The following AHI1 variants were observed in gnomAD, a reference collection of about 807,000 sequenced individuals.
AHI1 encodes the protein jouberin.
AHI1 carries 123 observed loss-of-function variants against 149.3 expected under a neutral mutation model. That is an observed-to-expected ratio of 0.82 (90% CI 0.71 to 0.96). The LOEUF (loss-of-function observed/expected upper bound fraction) is 0.96, where lower values mean the gene tolerates loss of function less well. Among genes scored for constraint, AHI1 ranks in the 40% least tolerant of loss-of-function variants. The pLI is 0.00. For synonymous variants in AHI1, 475 were observed against 459.8 expected, an observed-to-expected ratio of 1.03 and a Z score of -0.42; for missense variants, 1,439 against 1,422.7, an observed-to-expected ratio of 1.01 and a Z score of -0.18.
intron 23 of AHI1, among the ~76,000 whole-genome samples, chr6:135,389,864 C>T (rs1053157531): frequency 6.6e-6 from 1 of 152,166 alleles, no homozygotes. Flanking sequence ...CCTACCTACC[C>T]ATAACAGTGA....
At chr6:135,285,789 AAAG>A in intron 28 of AHI1, 142 bp from the exon 29 acceptor site, 1 of 671,844 alleles carries the variant, frequency 1.5e-6, no homozygotes, top group Admixed American at 2.8e-5. Flanking sequence ...CACAACTAAA[AAAG>A]ACCAAAATAC....
chr6:135,389,978 T>C (rs1373056653), intron 23 of AHI1, among the ~76,000 whole-genome samples: 1 of 151,526 alleles, frequency 6.6e-6, no homozygotes, highest in Non-Finnish European at 1.5e-5. Context: ...CATAAATTCA[T>C]AAATTTTCTT....
chr6:135,477,023 T>G (rs1472532868), intron 5 of AHI1, among the ~76,000 whole-genome samples: 1 of 152,060 alleles, frequency 6.6e-6, no homozygotes, highest in African/African-American at 2.4e-5. Flanking sequence ...ATTTGTTTTT[T>G]GTCTCTTTGT....
At chr6:135,305,866 T>C (rs868648225) in intron 26 of AHI1, among the ~76,000 whole-genome samples, 1 of 152,248 alleles carries the variant, frequency 6.6e-6, no homozygotes, top group Non-Finnish European at 1.5e-5. Flanking sequence ...GCAGCCATGA[T>C]GAAACATTTC....
rs1784060164 is a variant in AHI1 at position 135,302,874 on chromosome 6, C to A, written c.3427-2316G>T. On this transcript the variant is annotated intron_variant, in intron 26 of 28. Coordinates refer to ENST00000265602, the MANE Select transcript of AHI1 (RefSeq NM_001134831.2). Reference sequence around the variant, plus strand: ...TCAATCAGCCCGCAAATAACCCCCACCATCGACAACGCCAAAGAACATGAC... The same window carrying A: ...TCAATCAGCCCGCAAATAACCCCCAACATCGACAACGCCAAAGAACATGAC... 7.5e-6 allele frequency: 9 copies of A among 1,201,880 alleles called. No homozygotes were observed. The South Asian group carries it at 1.0e-4, about 14-fold the overall frequency. 74.5% of individuals were successfully genotyped at this position (1,201,880 alleles called of 1,614,324 possible).
intron 26 of AHI1, chr6:135,302,138 T>C: frequency 2.0e-6 from 2 of 985,004 alleles, no homozygotes; most frequent in Non-Finnish European, 2.4e-6. Context: ...ATTACAGGTG[T>C]GCGCCTCCAT....
intron 23 of AHI1, 125 bp from the exon 24 acceptor site, chr6:135,358,312 C>T (rs1793310209): frequency 9.7e-6 from 8 of 821,528 alleles, no homozygotes; most frequent in Middle Eastern, 2.5e-4. Flanking sequence ...AAAAAAGTCT[C>T]ACTTGGAAGG....
chr6:135,414,157 C>T (rs1338500282), intron 20 of AHI1, among the ~76,000 whole-genome samples: 1 of 151,956 alleles, frequency 6.6e-6, no homozygotes. Context: ...TATAGAGTGC[C>T]CAGGGTGTAT....
At chr6:135,351,593 G>A (rs1312293118) in intron 24 of AHI1, among the ~76,000 whole-genome samples, 1 of 152,192 alleles carries the variant, frequency 6.6e-6, no homozygotes, top group Admixed American at 6.5e-5. Context: ...GAAACCGTAG[G>A]CATATTTAGG....
chr6:135,403,307 C>T (rs73560002), intron 22 of AHI1, among the ~76,000 whole-genome samples: 217 of 151,984 alleles, frequency 1.4e-3, no homozygotes, highest in African/African-American at 4.7e-3. Flanking sequence ...GTGGGCATTA[C>T]GGTATATAAA....
intron 8 of AHI1, 58 bp downstream of exon 8, chr6:135,463,067 T>G: frequency 7.0e-7 from 1 of 1,421,044 alleles, no homozygotes; most frequent in East Asian, 2.3e-5. Flanking sequence ...CTAAAATTCC[T>G]AGAATCAAGT....
At chr6:135,419,772 T>C (rs1204854058) in intron 20 of AHI1, among the ~76,000 whole-genome samples, 1 of 152,082 alleles carries the variant, frequency 6.6e-6, no homozygotes, top group Admixed American at 6.6e-5. Context: ...TACACAACAA[T>C]GAAATTTGCT....
At position 135,425,343 on chromosome 6, in the gene AHI1, C is replaced by G. The variant is rs561080045; in HGVS notation, c.2764+1824G>C. 1.2e-3 allele frequency among the ~76,000 whole-genome samples: 188 copies of G among 151,644 alleles called. 1 individual carries two copies. The highest frequency in any genetic ancestry group is 4.2e-3 in the African/African-American group (172 of 41,436). ...TGCATTTATATTCTAATAAATTGAC[C>G]TGGAAAGAAACATACTTTAATAAAT... On this transcript the variant is annotated intron_variant, in intron 20 of 28. Transcript: ENST00000265602.
chr6:135,462,150 T>C (rs966918744), intron 8 of AHI1, among the ~76,000 whole-genome samples: 1 of 152,052 alleles, frequency 6.6e-6, no homozygotes, highest in Non-Finnish European at 1.5e-5. Context: ...CAAAAGATTT[T>C]AAAATTTTAA....
chr6:135,313,350 G>C (rs1056444739), intron 26 of AHI1, among the ~76,000 whole-genome samples: 2 of 152,132 alleles, frequency 1.3e-5, no homozygotes, highest in Non-Finnish European at 2.9e-5. Context: ...AGAAATCCAC[G>C]CATCTTAAGA....
intron 28 of AHI1, among the ~76,000 whole-genome samples, chr6:135,287,469 C>T (rs961183591): frequency 2.6e-5 from 4 of 152,086 alleles, no homozygotes; most frequent in Non-Finnish European, 5.9e-5. Context: ...CTCCTCCTGA[C>T]GATGGGAGGA....
intron 23 of AHI1, among the ~76,000 whole-genome samples, chr6:135,371,063 C>CT (rs1774982847): frequency 6.6e-6 from 1 of 152,104 alleles, no homozygotes; most frequent in Non-Finnish European, 1.5e-5. Context: ...TTTCTCTATT[C>CT]TTTTTATATA....
intron 26 of AHI1, chr6:135,300,890 G>A (rs1308391159): frequency 9.8e-7 from 1 of 1,016,454 alleles, no homozygotes; most frequent in African/African-American, 1.7e-5. Flanking sequence ...TATTACTTAA[G>A]CTCTAAATAT....
chr6:135,384,013 C>T (rs1469773687), intron 23 of AHI1, among the ~76,000 whole-genome samples: 2 of 152,168 alleles, frequency 1.3e-5, no homozygotes, highest in African/African-American at 2.4e-5. Flanking sequence ...ACATTTACTA[C>T]TTTCACCACG....
Sources: allele counts gnomAD v4.1 joint callset (sites outside exome capture counted in the v4.1 genomes callset), GRCh38; gene constraint gnomAD v4.1.1; transcripts MANE v1.5; gene names NCBI Gene and HGNC (gene_info 2026-07-23, HGNC 2026-07-21).